The following XYLT1 variants were observed in gnomAD, a reference collection of about 807,000 sequenced individuals.
XYLT1 encodes the protein beta-D-xylosyltransferase 1.
In XYLT1, 36 loss-of-function variants were observed where a neutral mutation model predicts 91.3. The ratio of observed to expected loss-of-function variants is 0.39; its 90% CI spans 0.30 to 0.52. The LOEUF is 0.52. Among genes scored for constraint, XYLT1 ranks in the 20% least tolerant of loss-of-function variants. The probability of loss-of-function intolerance (pLI) is 0.68; values close to 1 mark genes in which losing one functional copy is unlikely to be tolerated. For missense variants in XYLT1, 1,242 were observed against 1,284.5 expected, an observed-to-expected ratio of 0.97 and a Z score of 0.51; for synonymous variants, 588 against 532.0, an observed-to-expected ratio of 1.11 and a Z score of -1.45.
chr16:17,263,377 A>G (rs2033752083), intron 2 of XYLT1, among the ~76,000 whole-genome samples: 1 of 152,000 alleles, frequency 6.6e-6, no homozygotes, highest in Non-Finnish European at 1.5e-5. Flanking sequence ...ATTGATTCTG[A>G]TGGGACTCAT....
chr16:17,316,576 T>C (rs2034635459), intron 2 of XYLT1, among the ~76,000 whole-genome samples: 1 of 151,972 alleles, frequency 6.6e-6, no homozygotes, highest in African/African-American at 2.4e-5. Flanking sequence ...TTGTTAACTT[T>C]TGTAGAGACA....
At position 17,327,628 on chromosome 16, in the gene XYLT1, C is replaced by G. The variant is rs1210603925; in HGVS notation, c.402+30384G>C. 1.5e-4 allele frequency among the ~76,000 whole-genome samples: 18 copies of G among 118,310 alleles called. 1 individual carries two copies. The highest frequency in any genetic ancestry group is 2.7e-4 in the Non-Finnish European group (15 of 54,812). 77.6% of individuals were successfully genotyped at this position (118,310 alleles called of 152,430 possible). On this transcript the variant is annotated intron_variant, in intron 2 of 11. Transcript: ENST00000261381. Reference sequence around the variant, plus strand: ...CCCGCCCCCCCCCCCCCCCCCCCCCCGCCTCGGCCTCCCAAAGTGCTGGGA... The same window carrying G: ...CCCGCCCCCCCCCCCCCCCCCCCCCGGCCTCGGCCTCCCAAAGTGCTGGGA...
intron 1 of XYLT1, among the ~76,000 whole-genome samples, chr16:17,458,681 T>C (rs924144279): frequency 3.9e-5 from 6 of 152,184 alleles, no homozygotes; most frequent in African/African-American, 1.4e-4. Context: ...AGCACTTCCT[T>C]GATCGTCATT....
chr16:17,209,277 C>G (rs2032714702), intron 3 of XYLT1, among the ~76,000 whole-genome samples: 1 of 152,206 alleles, frequency 6.6e-6, no homozygotes, highest in Admixed American at 6.5e-5. Context: ...GTGTCTGGAT[C>G]CTTTCACTTG....
chr16:17,468,319 A>C (rs899466701), intron 1 of XYLT1, among the ~76,000 whole-genome samples: 3 of 152,108 alleles, frequency 2.0e-5, no homozygotes, highest in Admixed American at 6.5e-5. Flanking sequence ...CCAAGAGACA[A>C]CAGTCAACAG....
chr16:17,233,065 C>T (rs1419426006), intron 3 of XYLT1, among the ~76,000 whole-genome samples: 1 of 152,080 alleles, frequency 6.6e-6, no homozygotes, highest in African/African-American at 2.4e-5. Flanking sequence ...TCACCTGCCA[C>T]ATACAAAGAG....
At chr16:17,119,496 A>G (rs953165994) in intron 10 of XYLT1, among the ~76,000 whole-genome samples, 2 of 152,230 alleles carry the variant, frequency 1.3e-5, no homozygotes, top group Non-Finnish European at 2.9e-5. Flanking sequence ...ACATACCCAC[A>G]TTCTGAGATT....
At chr16:17,338,390 C>G (rs1047830844) in intron 2 of XYLT1, 11 of 456,444 alleles carry the variant, frequency 2.4e-5, no homozygotes, top group African/African-American at 2.2e-4. Flanking sequence ...CTGCCAAGGC[C>G]TGCTCCTCTC....
chr16:17,151,666 C>G (rs1200374482), intron 6 of XYLT1, among the ~76,000 whole-genome samples: 2 of 152,114 alleles, frequency 1.3e-5, no homozygotes, highest in Non-Finnish European at 2.9e-5. Flanking sequence ...AGAAAGCTGA[C>G]TTAGGTTTGA....
At chr16:17,465,229 C>T (rs1295812032) in intron 1 of XYLT1, among the ~76,000 whole-genome samples, 2 of 142,852 alleles carry the variant, frequency 1.4e-5, no homozygotes, top group African/African-American at 2.6e-5. Flanking sequence ...GCAAAAGGAA[C>T]GCAACTCGGA....
intron 1 of XYLT1, among the ~76,000 whole-genome samples, chr16:17,387,684 C>G (rs2035763779): frequency 6.6e-6 from 1 of 152,156 alleles, no homozygotes; most frequent in Admixed American, 6.5e-5. Context: ...CCATGCATCT[C>G]TAACCAATAA....
chr16:17,368,406 A>G (rs2035482277), intron 1 of XYLT1, among the ~76,000 whole-genome samples: 1 of 152,160 alleles, frequency 6.6e-6, no homozygotes. Flanking sequence ...GACAATGAAG[A>G]TGACAGCCTT....
chr16:17,354,220 C>T (rs563315421), intron 2 of XYLT1, among the ~76,000 whole-genome samples: 4 of 152,090 alleles, frequency 2.6e-5, no homozygotes, highest in Non-Finnish European at 4.4e-5. Context: ...GGCAGCCTGC[C>T]GAGCCGGGAA....
chr16:17,335,977 G>T (rs2034973820), intron 2 of XYLT1, among the ~76,000 whole-genome samples: 1 of 152,204 alleles, frequency 6.6e-6, no homozygotes, highest in South Asian at 2.1e-4. Flanking sequence ...TCACCAGTTT[G>T]CATGTGACAC....
chr16:17,462,754 C>G (rs1051264974), intron 1 of XYLT1, among the ~76,000 whole-genome samples: 1 of 152,172 alleles, frequency 6.6e-6, no homozygotes, highest in African/African-American at 2.4e-5. Flanking sequence ...CCCTCCTCCG[C>G]TTCTCCCTTG....
intron 1 of XYLT1, among the ~76,000 whole-genome samples, chr16:17,463,339 C>A (rs1202689814): frequency 6.6e-6 from 1 of 151,956 alleles, no homozygotes; most frequent in Non-Finnish European, 1.5e-5. Context: ...GGATTAATAA[C>A]CAAAATATAT....
At chr16:17,176,199 G>T (rs2031939766) in intron 5 of XYLT1, among the ~76,000 whole-genome samples, 1 of 152,174 alleles carries the variant, frequency 6.6e-6, no homozygotes, top group Admixed American at 6.5e-5. Context: ...CTCTCACTAT[G>T]TGCCAGGCAC....
At chr16:17,178,998 G>A (rs2032005990) in intron 5 of XYLT1, among the ~76,000 whole-genome samples, 1 of 152,020 alleles carries the variant, frequency 6.6e-6, no homozygotes, top group African/African-American at 2.4e-5. Context: ...GAGCCTGGGA[G>A]GTCAGGGCTT....
At chr16:17,181,799 T>C (rs887719193) in intron 5 of XYLT1, among the ~76,000 whole-genome samples, 3 of 152,192 alleles carry the variant, frequency 2.0e-5, no homozygotes, top group African/African-American at 7.2e-5. Flanking sequence ...TGGGTGGTAC[T>C]TAAGCCTCTT....
Sources: gnomAD v4.1 joint callset for allele counts (sites outside exome capture counted in the v4.1 genomes callset) on GRCh38, gnomAD v4.1.1 for gene constraint, MANE v1.5 for transcripts, NCBI Gene and HGNC (gene_info 2026-07-23, HGNC 2026-07-21) for gene names.